The following TMEM182 variants were observed in gnomAD, a reference collection of about 807,000 sequenced individuals.
TMEM182 encodes transmembrane protein 182.
TMEM182 carries 20 observed loss-of-function variants against 26.8 expected under a neutral mutation model. The observed-to-expected ratio is 0.75, with a 90% confidence interval of 0.53 to 1.09. The LOEUF is 1.09. Ranked by LOEUF, TMEM182 falls within the 50% of genes least tolerant of loss-of-function variation. The pLI, the probability that TMEM182 is intolerant of heterozygous loss-of-function variation, is 0.00. For synonymous variants in TMEM182, 109 were observed against 102.2 expected, an observed-to-expected ratio of 1.07 and a Z score of -0.40; for missense variants, 277 against 275.5, an observed-to-expected ratio of 1.01 and a Z score of -0.04.
At chr2:102,786,688 C>G (rs1681408831) in intron 3 of TMEM182, among the ~76,000 whole-genome samples, 1 of 152,206 alleles carries the variant, frequency 6.6e-6, no homozygotes, top group African/African-American at 2.4e-5. Flanking sequence ...GTTTGCTTCA[C>G]TCTGTTCCCT....
upstream of TMEM182, among the ~76,000 whole-genome samples, chr2:102,761,404 A>G (rs557771597): frequency 2.6e-5 from 4 of 152,338 alleles, 1 homozygote; most frequent in African/African-American, 9.6e-5. Flanking sequence ...GGGGATGATT[A>G]TTTGGAATAA....
At chr2:102,784,845 G>A (rs932348647) in intron 3 of TMEM182, among the ~76,000 whole-genome samples, 4 of 152,158 alleles carry the variant, frequency 2.6e-5, no homozygotes, top group African/African-American at 4.8e-5. Context: ...CACTCTCATC[G>A]CCATCTTGGT....
Position 102,816,281 on chromosome 2 carries a change from G to A in TMEM182, c.*1313G>A. 1.0e-6 allele frequency: 1 copy of A among 985,308 alleles called. No individual in the cohort carries two copies. The highest frequency in any genetic ancestry group is 1.2e-6 in the Non-Finnish European group (1 of 829,932). 61.0% of individuals were successfully genotyped at this position (985,308 alleles called of 1,614,324 possible). ...TGCGGTGTTTCATTCTGCAGCTGTTGTGAGGACAGAGAGGCATGGCCCACA... is the reference window on the plus strand; with the variant it reads ...TGCGGTGTTTCATTCTGCAGCTGTTATGAGGACAGAGAGGCATGGCCCACA... On this transcript the variant is annotated 3_prime_UTR_variant, in exon 5 of 5. Transcript: ENST00000412401.
At chr2:102,789,224 G>A (rs1269079434) in intron 3 of TMEM182, among the ~76,000 whole-genome samples, 1 of 152,112 alleles carries the variant, frequency 6.6e-6, no homozygotes, top group Non-Finnish European at 1.5e-5. Flanking sequence ...TAGCTTTGTG[G>A]GTGTCTGAGG....
intron 3 of TMEM182, among the ~76,000 whole-genome samples, chr2:102,778,995 ATCT>A (rs1409236230): frequency 6.6e-6 from 1 of 152,028 alleles, no homozygotes; most frequent in Non-Finnish European, 1.5e-5. Context: ...AACTCCTTTT[ATCT>A]TCTTAGTAAT....
At chr2:102,838,734 A>T (rs1441422941) in intron 3 of TMEM182, among the ~76,000 whole-genome samples, 1 of 152,134 alleles carries the variant, frequency 6.6e-6, no homozygotes, top group African/African-American at 2.4e-5. Context: ...CTGTGGGGTA[A>T]TTGGTGGAAT....
chr2:102,785,719 A>C (rs1342208945), intron 3 of TMEM182, among the ~76,000 whole-genome samples: 2 of 152,226 alleles, frequency 1.3e-5, no homozygotes, highest in Non-Finnish European at 2.9e-5. Context: ...TTTAATTCAC[A>C]TACCTAAGAG....
intron 3 of TMEM182, among the ~76,000 whole-genome samples, chr2:102,843,227 A>G (rs978845241): frequency 6.6e-6 from 1 of 152,048 alleles, no homozygotes; most frequent in Non-Finnish European, 1.5e-5. Flanking sequence ...CTTTTTATTC[A>G]AGTCACTTAG....
At position 102,838,363 on chromosome 2, in the gene TMEM182, G is replaced by A. The variant is rs1683285288; in HGVS notation, c.326-5049G>A. Among the ~76,000 whole-genome samples, 4 of 152,264 alleles carry A rather than the reference G, an allele frequency of 2.6e-5. No homozygotes were observed. In the South Asian group the frequency reaches 8.3e-4, roughly 32 times the overall value. On this transcript the variant is annotated intron_variant, in intron 3 of 3. Coordinates refer to the TMEM182 transcript ENST00000486293. ...TTAAGGGCTCCTATTTTCACAATGT[G>A]TGTAGCACATAACTAAATGAGTGTA...
chr2:102,801,603 C>T (rs557140796), intron 4 of TMEM182, among the ~76,000 whole-genome samples: 1 of 152,344 alleles, frequency 6.6e-6, no homozygotes, highest in African/African-American at 2.4e-5. Context: ...TTCAGGCCTG[C>T]TCAGGCTTCT....
At chr2:102,803,940 C>T (rs1408851461) in intron 4 of TMEM182, among the ~76,000 whole-genome samples, 1 of 151,828 alleles carries the variant, frequency 6.6e-6, no homozygotes, top group Non-Finnish European at 1.5e-5. Flanking sequence ...GCCGTCTACA[C>T]CTGCAGGCAC....
chr2:102,800,031 TCTCA>T (rs1682051134), intron 4 of TMEM182, among the ~76,000 whole-genome samples: 1 of 151,902 alleles, frequency 6.6e-6, no homozygotes, highest in Non-Finnish European at 1.5e-5. Flanking sequence ...AAAAAAAAAA[TCTCA>T]CTCTGAGAAG....
intron 3 of TMEM182, among the ~76,000 whole-genome samples, chr2:102,773,025 CATT>C (rs1680745949): frequency 6.6e-6 from 1 of 151,900 alleles, no homozygotes; most frequent in Non-Finnish European, 1.5e-5. Context: ...GACACATGTT[CATT>C]ATTGTCATTA....
At chr2:102,750,558 A>C (rs1373627887) in intron 1 of TMEM182, among the ~76,000 whole-genome samples, 1 of 152,206 alleles carries the variant, frequency 6.6e-6, no homozygotes, top group Non-Finnish European at 1.5e-5. Context: ...CAGACAGTCA[A>C]AACCTTATGA....
chr2:102,842,855 A>G (rs903204999), intron 3 of TMEM182, among the ~76,000 whole-genome samples: 18 of 152,002 alleles, frequency 1.2e-4, no homozygotes, highest in African/African-American at 4.3e-4. Flanking sequence ...CCAACAACCA[A>G]CAACGGACCA....
chr2:102,755,646 A>G (rs762628042), intron 1 of TMEM182, among the ~76,000 whole-genome samples: 1 of 152,202 alleles, frequency 6.6e-6, no homozygotes, highest in Non-Finnish European at 1.5e-5. Context: ...GAAAAATAAC[A>G]GTAGTGCTCT....
intron 3 of TMEM182, among the ~76,000 whole-genome samples, chr2:102,836,043 G>A (rs529805226): frequency 6.6e-6 from 1 of 152,110 alleles, no homozygotes; most frequent in Non-Finnish European, 1.5e-5. Flanking sequence ...TGCATTGAAG[G>A]TTCCTCCATT....
chr2:102,786,872 G>C (rs770687066), intron 3 of TMEM182, among the ~76,000 whole-genome samples: 3 of 152,204 alleles, frequency 2.0e-5, no homozygotes, highest in Non-Finnish European at 2.9e-5. Context: ...TCAGGAAGTG[G>C]AGGGGGATTG....
At position 102,766,065 on chromosome 2, in the gene TMEM182, G is replaced by A. The variant is rs368096927; in HGVS notation, c.331+1638G>A. Among the ~76,000 whole-genome samples the A allele has an allele frequency of 1.2e-4, 18 of 152,242 alleles. No homozygotes were observed. In the South Asian group the frequency reaches 2.9e-3, roughly 25 times the overall value. ...TGAACTGAAAAGTAATACAAGGTTG[G>A]CTTTCCAGAACATTAGGTATTAGCA... On this transcript the variant is annotated intron_variant, in intron 3 of 4. Transcript: ENST00000412401.
Sources: allele counts gnomAD v4.1 joint callset (sites outside exome capture counted in the v4.1 genomes callset), GRCh38; gene constraint gnomAD v4.1.1; transcripts MANE v1.5; gene names NCBI Gene and HGNC (gene_info 2026-07-23, HGNC 2026-07-21).